Variants in DNAH6 observed in about 807,000 individuals in gnomAD.
DNAH6 encodes the protein dynein axonemal heavy chain 6, also known as axonemal beta dynein heavy chain 6.
A neutral mutation model predicts 491.4 loss-of-function variants in DNAH6; 340 were observed. The observed-to-expected ratio is 0.69, with a 90% CI of 0.63 to 0.76. DNAH6 has a LOEUF of 0.76. Among genes scored for constraint, DNAH6 ranks in the 30% least tolerant of loss-of-function variants. DNAH6 has a pLI of 0.00. For missense variants in DNAH6, 4,443 were observed against 4,972.2 expected (o/e 0.89, Z 3.20); for synonymous variants, 1,603 against 1,686.1 (o/e 0.95, Z 1.21).
In DNAH6 at chr2:84,557,747, G is replaced by T. The variant is rs143854392; in HGVS notation, c.1615G>T (p.Gly539Cys). The T allele has an allele frequency of 6.4e-5, 102 of 1,590,728 alleles. No individual in the cohort carries two copies. The highest frequency in any genetic ancestry group is 8.7e-5 in the Non-Finnish European group (101 of 1,164,536). The change falls in exon 11 of 77, where the codon GGT (glycine) becomes TGT (cysteine). Residue 539 changes from glycine to cysteine, a missense_variant. Gly to Cys is a radical substitution (Grantham distance 159, BLOSUM62 -3). Coordinates refer to ENST00000389394, the MANE Select transcript of DNAH6 (RefSeq NM_001370.2). ...TTCTCTTTAACAGGATGGTATTTTG[G>T]GTGCAGTTAATCACTGTCAAAACAC... ...SLEDFLDGILGAVNHCQNTVL... is the reference protein window; with the variant it reads ...SLEDFLDGILCAVNHCQNTVL...
intron 2 of DNAH6, among the ~76,000 whole-genome samples, chr2:84,519,962 G>T (rs941848854): frequency 5.9e-5 from 9 of 151,556 alleles, no homozygotes; most frequent in African/African-American, 2.2e-4. Flanking sequence ...TCTCCATCTA[G>T]CTTTTTACAC....
At chr2:84,797,865 C>T (rs1289312342) in intron 70 of DNAH6, among the ~76,000 whole-genome samples, 1 of 152,152 alleles carries the variant, frequency 6.6e-6, no homozygotes, top group Admixed American at 6.5e-5. Context: ...ATGCATTTTC[C>T]CTGTCACTGG....
chr2:84,563,901 T>G (rs1466241886), intron 11 of DNAH6, among the ~76,000 whole-genome samples: 1 of 152,170 alleles, frequency 6.6e-6, no homozygotes, highest in African/African-American at 2.4e-5. Context: ...TGCAGTTTCT[T>G]TCTTCTGCAT....
intron 22 of DNAH6, among the ~76,000 whole-genome samples, chr2:84,616,115 A>G (rs927058341): frequency 6.6e-6 from 1 of 152,016 alleles, no homozygotes; most frequent in Non-Finnish European, 1.5e-5. Flanking sequence ...CATGTGGTCT[A>G]TTTTGGAGAA....
intron 29 of DNAH6, among the ~76,000 whole-genome samples, chr2:84,630,803 G>C (rs1688329185): frequency 6.6e-6 from 1 of 152,158 alleles, no homozygotes; most frequent in East Asian, 1.9e-4. Flanking sequence ...GTGTTACAGA[G>C]TTTATTGTGA....
chr2:84,705,257 T>C (rs1197395649), intron 51 of DNAH6, among the ~76,000 whole-genome samples: 1 of 152,220 alleles, frequency 6.6e-6, no homozygotes, highest in Non-Finnish European at 1.5e-5. Context: ...TGTGATTTTG[T>C]AATTCTTTCT....
intron 24 of DNAH6, among the ~76,000 whole-genome samples, chr2:84,620,969 G>C (rs976122342): frequency 1.3e-5 from 2 of 152,194 alleles, no homozygotes; most frequent in Admixed American, 6.5e-5. Flanking sequence ...AGTGCATATA[G>C]ACTCCTCTTT....
intron 64 of DNAH6, among the ~76,000 whole-genome samples, chr2:84,766,345 A>G (rs977499726): frequency 6.6e-6 from 1 of 152,228 alleles, no homozygotes; most frequent in African/African-American, 2.4e-5. Context: ...TTCTCTGACC[A>G]CAATAAAATC....
At chr2:84,774,020 T>A (rs1286646916) in intron 64 of DNAH6, among the ~76,000 whole-genome samples, 3 of 152,106 alleles carry the variant, frequency 2.0e-5, no homozygotes, top group African/African-American at 7.2e-5. Flanking sequence ...TAGGTTGTGT[T>A]TACCCTGTTG....
chr2:84,784,221 C>T (rs1208440285), intron 65 of DNAH6, among the ~76,000 whole-genome samples: 4 of 152,176 alleles, frequency 2.6e-5, no homozygotes, highest in Non-Finnish European at 4.4e-5. Flanking sequence ...ATTGACTTAA[C>T]GTGCTAATGC....
chr2:84,484,570 T>A, the DNAH6 span, among the ~76,000 whole-genome samples: 2 of 152,166 alleles, frequency 1.3e-5, no homozygotes, highest in South Asian at 4.1e-4. Context: ...TATTCCTTGG[T>A]TTTGTGGCCT....
chr2:84,638,182 A>T (rs1335882937), intron 31 of DNAH6, among the ~76,000 whole-genome samples: 4 of 152,196 alleles, frequency 2.6e-5, no homozygotes, highest in Non-Finnish European at 5.9e-5. Flanking sequence ...CACATTTTGT[A>T]CTTTTTTACA....
At position 84,595,767 on chromosome 2, in the gene DNAH6, A is replaced by C. The variant is rs777044341; in HGVS notation, c.2846A>C (p.Lys949Thr). ...PNSVVPQLKY[K>T]VEKMKEKLPV... ...AGTGTAGTGCCCCAGCTCAAATACAAGGTGGAAAAAATGAAAGAAAAGGTA... is the reference window on the plus strand; with the variant it reads ...AGTGTAGTGCCCCAGCTCAAATACACGGTGGAAAAAATGAAAGAAAAGGTA... Residue 949 changes from lysine to threonine, a missense_variant, in exon 18 of 77, where the codon AAG becomes ACG. Lys to Thr is a moderately conservative substitution (Grantham distance 78, BLOSUM62 -1). Around this residue, in one of 3 missense-constraint regions of DNAH6, gnomAD observed 2,977 missense variants for 3,296.6 expected, o/e 0.90. Coordinates refer to ENST00000389394, the MANE Select transcript of DNAH6 (RefSeq NM_001370.2). 7.8e-6 allele frequency: 12 copies of C among 1,545,336 alleles called. No homozygotes were observed. Among genetic ancestry groups the C allele is most frequent in the Non-Finnish European group, 1.0e-5 (12 of 1,145,348 alleles).
chr2:84,670,797 A>C (rs1438784823), intron 39 of DNAH6, among the ~76,000 whole-genome samples: 3 of 152,222 alleles, frequency 2.0e-5, no homozygotes, highest in African/African-American at 7.2e-5. Flanking sequence ...TATATTTGGC[A>C]CATTGGGTTA....
chr2:84,469,842 C>G, the DNAH6 span, among the ~76,000 whole-genome samples: 4 of 152,136 alleles, frequency 2.6e-5, no homozygotes, highest in African/African-American at 9.7e-5. This position sits in a 1 kb window ranked among gnomAD's most constrained non-coding sequence, Gnocchi z 4.0. Context: ...TAGTGCCAAA[C>G]CTGTACTTAG....
Position 84,694,476 on chromosome 2 carries a change from C to A in DNAH6, c.7520C>A (p.Thr2507Asn). 1 of 1,550,528 alleles carries A rather than the reference C, an allele frequency of 6.4e-7. No individual in the cohort carries two copies. Among genetic ancestry groups the A allele is most frequent in the South Asian group, 1.2e-5 (1 of 84,030 alleles). ...DKNMVFLFTD[T>N]QIVVEEFLED... ...AATATGGTTTTCCTTTTCACTGACACCCAGGTGTGTGTTTAAATAGCCCAT... is the reference window on the plus strand; with the variant it reads ...AATATGGTTTTCCTTTTCACTGACAACCAGGTGTGTGTTTAAATAGCCCAT... The change falls in exon 46 of 77, where the codon ACC becomes AAC. Residue 2507 changes from threonine to asparagine, a missense_variant. By Grantham distance (65) the Thr-to-Asn change is moderately conservative. Around this residue, in one of 3 missense-constraint regions of DNAH6, gnomAD observed 2,977 missense variants for 3,296.6 expected, o/e 0.90. Transcript: ENST00000389394.
At chr2:84,498,069 T>G in the DNAH6 span, among the ~76,000 whole-genome samples, 1 of 152,204 alleles carries the variant, frequency 6.6e-6, no homozygotes, top group Non-Finnish European at 1.5e-5. Flanking sequence ...GTACCTAAAC[T>G]TCCATAGGGC....
At chr2:84,554,359 T>C (rs1679814784) in intron 10 of DNAH6, among the ~76,000 whole-genome samples, 7 of 152,198 alleles carry the variant, frequency 4.6e-5, no homozygotes, top group Admixed American at 4.6e-4. Context: ...GAGGAGGGGA[T>C]TGAACAGCAT....
At chr2:84,777,794 C>T (rs1676292197) in intron 64 of DNAH6, 2 of 1,052,782 alleles carry the variant, frequency 1.9e-6, no homozygotes, top group South Asian at 1.3e-5. Context: ...TTTGGGGAAG[C>T]CACTTATCTT....
Sources: allele counts gnomAD v4.1 joint callset (sites outside exome capture counted in the v4.1 genomes callset), GRCh38; gene constraint gnomAD v4.1.1; regional missense constraint gnomAD v4.1.1; non-coding constraint Gnocchi (gnomAD v3.1); transcripts MANE v1.5; gene names NCBI Gene and HGNC (gene_info 2026-07-23, HGNC 2026-07-21).